The following MIPEP variants were observed in gnomAD, a reference collection of about 807,000 sequenced individuals.
The protein encoded by MIPEP is mitochondrial intermediate peptidase.
In MIPEP, 79 loss-of-function variants were observed where a neutral mutation model predicts 90.3. That is an observed-to-expected ratio of 0.87 (90% CI 0.73 to 1.05). The LOEUF (loss-of-function observed/expected upper bound fraction) is 1.05, where lower values mean the gene tolerates loss of function less well. MIPEP is among the 50% of genes least tolerant of loss of function. The pLI is 0.00. For synonymous variants in MIPEP, 334 were observed against 315.8 expected, an observed-to-expected ratio of 1.06 and a Z score of -0.61; for missense variants, 940 against 905.6, an observed-to-expected ratio of 1.04 and a Z score of -0.49.
At chr13:23,760,241 C>A (rs568404185) in intron 16 of MIPEP, 24 bp from the exon 17 acceptor site, 22 of 1,613,892 alleles carry the variant, frequency 1.4e-5, no homozygotes, top group Non-Finnish European at 1.8e-5. Context: ...AGAGACACAG[C>A]ACGGGACACA....
chr13:23,768,840 G>T (rs146052228), intron 16 of MIPEP, among the ~76,000 whole-genome samples: 4 of 152,094 alleles, frequency 2.6e-5, no homozygotes, highest in African/African-American at 9.7e-5. Context: ...TGCTAACCTC[G>T]ACTGTTAATG....
chr13:23,753,627 A>G (rs1287040872), intron 18 of MIPEP, among the ~76,000 whole-genome samples: 2 of 152,200 alleles, frequency 1.3e-5, no homozygotes, highest in African/African-American at 4.8e-5. Flanking sequence ...TAACTGATGA[A>G]TGTAAAGCAA....
chr13:23,883,420 AC>A (rs1000229762), intron 2 of MIPEP, among the ~76,000 whole-genome samples: 15 of 152,154 alleles, frequency 9.9e-5, no homozygotes, highest in African/African-American at 3.6e-4. Context: ...ACGCCAAGTC[AC>A]CCCTCAGTAT....
chr13:23,805,922 C>CA, intron 16 of MIPEP, 28 bp downstream of exon 16: 4 of 1,611,120 alleles, frequency 2.5e-6, no homozygotes, highest in Non-Finnish European at 3.4e-6. Flanking sequence ...ACTCAATACA[C>CA]AAAACAGAAG....
intron 16 of MIPEP, among the ~76,000 whole-genome samples, chr13:23,799,477 C>T (rs1249259416): frequency 6.6e-6 from 1 of 152,074 alleles, no homozygotes; most frequent in Admixed American, 6.6e-5. Flanking sequence ...CATGCGCCCG[C>T]CACCACGCCT....
intron 14 of MIPEP, among the ~76,000 whole-genome samples, chr13:23,815,221 CA>C (rs1953219243): frequency 6.6e-6 from 1 of 152,136 alleles, no homozygotes; most frequent in Non-Finnish European, 1.5e-5. Context: ...CAGATCTATA[CA>C]TTCTTAGAAG....
chr13:23,840,087 G>A (rs1229905438), intron 11 of MIPEP, among the ~76,000 whole-genome samples: 4 of 152,124 alleles, frequency 2.6e-5, no homozygotes, highest in Admixed American at 6.5e-5. Flanking sequence ...CTGGAATGTC[G>A]TGATATACGC....
chr13:23,744,791 T>C (rs1211309980), intron 18 of MIPEP, among the ~76,000 whole-genome samples: 21 of 152,196 alleles, frequency 1.4e-4, no homozygotes, highest in Admixed American at 1.3e-3. Context: ...TTGAAAGTAT[T>C]TGACATGAAG....
intron 14 of MIPEP, among the ~76,000 whole-genome samples, chr13:23,817,577 A>C (rs1297643593): frequency 1.3e-5 from 2 of 152,170 alleles, no homozygotes; most frequent in Non-Finnish European, 2.9e-5. Context: ...AACTTTCATG[A>C]ATAATTTTTC....
chr13:23,736,931 G>A (rs979501313), intron 18 of MIPEP, among the ~76,000 whole-genome samples: 3 of 152,180 alleles, frequency 2.0e-5, no homozygotes, highest in East Asian at 3.8e-4. Flanking sequence ...TGGCAGTCTG[G>A]TTCCTGAGCC....
intron 16 of MIPEP, among the ~76,000 whole-genome samples, chr13:23,805,517 A>G (rs1040741722): frequency 2.0e-5 from 3 of 152,206 alleles, no homozygotes; most frequent in East Asian, 1.9e-4. Context: ...CTCTCCTGAC[A>G]TGGTACTCAA....
rs572585005 is a variant in MIPEP, at chr13:23,832,595, C to T, written c.1653+3645G>A. On this transcript the variant is annotated intron_variant, in intron 14 of 18. Transcript: ENST00000382172. ...ATAATTCTGTGCTAATTTGGAGCAA[C>T]GGCGAAGAAGTTACGCGGAAGGTAA... Among the ~76,000 whole-genome samples, 56 of 152,162 alleles carry T rather than the reference C, an allele frequency of 3.7e-4. No homozygotes were observed. In the South Asian group the frequency reaches 3.9e-3, roughly 11 times the overall value.
At chr13:23,748,574 A>T (rs1039940884) in intron 18 of MIPEP, among the ~76,000 whole-genome samples, 2 of 152,258 alleles carry the variant, frequency 1.3e-5, no homozygotes, top group African/African-American at 2.4e-5. Flanking sequence ...CATCAGAATG[A>T]TTTACTTCCA....
At chr13:23,850,928 A>T (rs1869772991) in intron 10 of MIPEP, among the ~76,000 whole-genome samples, 1 of 152,256 alleles carries the variant, frequency 6.6e-6, no homozygotes, top group African/African-American at 2.4e-5. Context: ...TGGAACAGGG[A>T]GGAATGAAAA....
chr13:23,755,938 T>C (rs959148191), intron 18 of MIPEP, among the ~76,000 whole-genome samples: 1 of 151,844 alleles, frequency 6.6e-6, no homozygotes, highest in Non-Finnish European at 1.5e-5. Context: ...AAAAAAACAC[T>C]GTGACCTGTT....
chr13:23,739,782 C>G (rs372865233), intron 18 of MIPEP, among the ~76,000 whole-genome samples: 1 of 152,210 alleles, frequency 6.6e-6, no homozygotes, highest in Non-Finnish European at 1.5e-5. Context: ...TCAGACTGAA[C>G]GTCTGCTCAT....
intron 16 of MIPEP, among the ~76,000 whole-genome samples, chr13:23,791,770 TTC>T (rs543308140): frequency 2.8e-4 from 43 of 152,218 alleles, no homozygotes; most frequent in Non-Finnish European, 4.7e-4. Flanking sequence ...TCAATTTTTC[TTC>T]TCTTGCAGGA....
At chr13:23,826,155 C>A (rs554472951) in intron 14 of MIPEP, among the ~76,000 whole-genome samples, 1 of 152,006 alleles carries the variant, frequency 6.6e-6, no homozygotes, top group Non-Finnish European at 1.5e-5. Flanking sequence ...GGAAACTATG[C>A]TTTTATGCAT....
At chr13:23,816,111 C>CGTCA (rs1953233835) in intron 14 of MIPEP, among the ~76,000 whole-genome samples, 1 of 152,184 alleles carries the variant, frequency 6.6e-6, no homozygotes, top group Non-Finnish European at 1.5e-5. Context: ...AGCCGTTTGA[C>CGTCA]AACAATGTAT....
Sources: allele counts gnomAD v4.1 joint callset (sites outside exome capture counted in the v4.1 genomes callset), GRCh38; gene constraint gnomAD v4.1.1; transcripts MANE v1.5; gene names NCBI Gene and HGNC (gene_info 2026-07-23, HGNC 2026-07-21).